The following HDAC9 variants were observed in gnomAD, a reference collection of about 807,000 sequenced individuals.
HDAC9 encodes the protein histone deacetylase 9.
HDAC9 carries 41 observed loss-of-function variants against 139.4 expected under a neutral mutation model. The ratio of observed to expected loss-of-function variants is 0.29; its 90% CI spans 0.23 to 0.38. The LOEUF (loss-of-function observed/expected upper bound fraction) is 0.38, where lower values mean the gene tolerates loss of function less well. Ranked by LOEUF, HDAC9 falls within the 10% of genes least tolerant of loss-of-function variation. HDAC9 has a pLI of 1.00. For missense variants in HDAC9, 1,147 were observed against 1,297.0 expected, an observed-to-expected ratio of 0.88 and a Z score of 1.78; for synonymous variants, 517 against 476.2, an observed-to-expected ratio of 1.09 and a Z score of -1.12.
intron 2 of HDAC9, among the ~76,000 whole-genome samples, chr7:18,186,263 T>A (rs1174943301): frequency 1.3e-5 from 2 of 152,254 alleles, no homozygotes; most frequent in African/African-American, 4.8e-5. Flanking sequence ...TTTAGCTGAC[T>A]GGTTAAGACT....
chr7:18,587,463 CTTGTA>C (rs1319877347), intron 3 of HDAC9, among the ~76,000 whole-genome samples: 14 of 151,882 alleles, frequency 9.2e-5, no homozygotes, highest in African/African-American at 3.4e-4. Flanking sequence ...TTTGTTTTGT[CTTGTA>C]TTTTTTATGG....
intron 2 of HDAC9, among the ~76,000 whole-genome samples, chr7:18,511,244 C>T (rs1295673013): frequency 1.3e-5 from 2 of 152,110 alleles, no homozygotes; most frequent in Non-Finnish European, 2.9e-5. Flanking sequence ...CAACTGATAC[C>T]CGTAGTACCC....
At chr7:18,620,469 G>C (rs1839908333) in intron 6 of HDAC9, among the ~76,000 whole-genome samples, 1 of 149,262 alleles carries the variant, frequency 6.7e-6, no homozygotes, top group Non-Finnish European at 1.5e-5. Flanking sequence ...GTAATGAGTA[G>C]TACTAAAAGT....
chr7:18,850,984 T>C (rs1455731013), intron 21 of HDAC9, among the ~76,000 whole-genome samples: 2 of 152,162 alleles, frequency 1.3e-5, no homozygotes, highest in Admixed American at 1.3e-4. Flanking sequence ...CTAATATCCG[T>C]CTGGGTTAGG....
chr7:18,956,242 C>T (rs922227320), intron 24 of HDAC9, among the ~76,000 whole-genome samples: 1 of 152,066 alleles, frequency 6.6e-6, no homozygotes, highest in Non-Finnish European at 1.5e-5. Context: ...TTAATGAGTA[C>T]CCCACCCAGC....
At chr7:18,498,592 G>T (rs1187427023) in intron 2 of HDAC9, among the ~76,000 whole-genome samples, 1 of 152,082 alleles carries the variant, frequency 6.6e-6, no homozygotes, top group Non-Finnish European at 1.5e-5. Flanking sequence ...GTGATTCATA[G>T]GCTTAGAAGC....
At chr7:18,420,293 G>A (rs1342045458) in intron 1 of HDAC9, among the ~76,000 whole-genome samples, 2 of 152,124 alleles carry the variant, frequency 1.3e-5, no homozygotes, top group African/African-American at 4.8e-5. Flanking sequence ...CAGTTATTTT[G>A]TTTGCAGAAA....
intron 17 of HDAC9, among the ~76,000 whole-genome samples, chr7:18,812,086 T>C (rs1206424818): frequency 6.6e-6 from 1 of 151,890 alleles, no homozygotes; most frequent in Admixed American, 6.6e-5. Context: ...TGTTATGCTG[T>C]GTTTTCTATT....
At chr7:18,157,249 T>C (rs1787280999) in intron 1 of HDAC9, among the ~76,000 whole-genome samples, 1 of 152,188 alleles carries the variant, frequency 6.6e-6, no homozygotes, top group Non-Finnish European at 1.5e-5. Flanking sequence ...CTTATACAGG[T>C]GTTCATTCTG....
chr7:18,707,903 G>A (rs1387357927), intron 12 of HDAC9, among the ~76,000 whole-genome samples: 1 of 151,788 alleles, frequency 6.6e-6, no homozygotes, highest in East Asian at 1.9e-4. Context: ...GTGTGTGTCT[G>A]TATTTGAGTT....
chr7:18,794,243 C>A (rs886092933), intron 17 of HDAC9, among the ~76,000 whole-genome samples: 1 of 152,100 alleles, frequency 6.6e-6, no homozygotes, highest in African/African-American at 2.4e-5. Flanking sequence ...GTGATTGATT[C>A]GGTATTTTTA....
At chr7:18,142,181 C>T (rs1785946822) in intron 1 of HDAC9, among the ~76,000 whole-genome samples, 2 of 152,186 alleles carry the variant, frequency 1.3e-5, no homozygotes, top group African/African-American at 4.8e-5. Context: ...CCCCAAGGGT[C>T]TCCTGCATTT....
chr7:18,646,335 A>C (rs1223806049), intron 9 of HDAC9, among the ~76,000 whole-genome samples: 1 of 152,170 alleles, frequency 6.6e-6, no homozygotes, highest in Non-Finnish European at 1.5e-5. Context: ...TACTAAAGCC[A>C]GACCAGTTAA....
chr7:18,258,022 T>G (rs1040523695), intron 2 of HDAC9, among the ~76,000 whole-genome samples: 1 of 152,194 alleles, frequency 6.6e-6, no homozygotes, highest in African/African-American at 2.4e-5. Context: ...AAGGCACTGT[T>G]GAGAAGCACA....
chr7:18,397,029 A>G (rs1302400831), intron 1 of HDAC9, among the ~76,000 whole-genome samples: 1 of 152,028 alleles, frequency 6.6e-6, no homozygotes, highest in Non-Finnish European at 1.5e-5. Context: ...CTATGTTGGA[A>G]AAAAAAAGAT....
chr7:18,178,529 C>T (rs1373136593), intron 2 of HDAC9, among the ~76,000 whole-genome samples: 2 of 152,180 alleles, frequency 1.3e-5, no homozygotes, highest in Non-Finnish European at 1.5e-5. Context: ...GCTAGCACAG[C>T]GGTAGAAGCA....
At chr7:18,522,734 T>C (rs1397318109) in intron 2 of HDAC9, among the ~76,000 whole-genome samples, 1 of 152,144 alleles carries the variant, frequency 6.6e-6, no homozygotes, top group Non-Finnish European at 1.5e-5. Context: ...CCATGATATG[T>C]CTTAAGAAGG....
intron 22 of HDAC9, among the ~76,000 whole-genome samples, chr7:18,901,058 C>A (rs144082378): frequency 0.013 from 1,928 of 152,040 alleles, 47 homozygotes; most frequent in African/African-American, 0.044. Context: ...ATTTTGACTT[C>A]TTTTCAAAGA....
chr7:18,585,495 C>T lies in HDAC9; in HGVS notation c.237C>T (p.His79=). The T allele has an allele frequency of 6.2e-7, 1 of 1,613,760 alleles. No homozygotes were observed. The highest frequency in any genetic ancestry group is 8.5e-7 in the Non-Finnish European group (1 of 1,179,774). Residue 79 remains histidine (H), a synonymous_variant, in exon 3 of 26, where the codon CAC becomes CAT. Transcript: ENST00000686413. ...QKQHENLTRQ[H]QAQLQEHIKL... ...AGCATGAGAACTTGACACGGCAGCA[C>T]CAGGCTCAGCTTCAGGAGCATATCA...
Sources: allele counts gnomAD v4.1 joint callset (sites outside exome capture counted in the v4.1 genomes callset), GRCh38; gene constraint gnomAD v4.1.1; transcripts MANE v1.5; gene names NCBI Gene and HGNC (gene_info 2026-07-23, HGNC 2026-07-21).